Variants in GRM7 observed in about 807,000 individuals in gnomAD.
The protein encoded by GRM7 is metabotropic glutamate receptor 7.
A neutral mutation model predicts 84.5 loss-of-function variants in GRM7; 35 were observed. That is an observed-to-expected ratio of 0.41 (90% CI 0.32 to 0.55). The LOEUF (loss-of-function observed/expected upper bound fraction) is 0.55. Ranked by LOEUF, GRM7 falls within the 20% of genes least tolerant of loss-of-function variation. The probability of loss-of-function intolerance (pLI) is 0.19; values close to 1 mark genes in which losing one functional copy is unlikely to be tolerated. For synonymous variants in GRM7, 487 were observed against 455.1 expected, an observed-to-expected ratio of 1.07 and a Z score of -0.89; for missense variants, 1,003 against 1,194.6, an observed-to-expected ratio of 0.84 and a Z score of 2.36.
intron 1 of GRM7, among the ~76,000 whole-genome samples, chr3:6,979,194 T>G (rs546184202): frequency 6.6e-6 from 1 of 152,248 alleles, no homozygotes; most frequent in Non-Finnish European, 1.5e-5. Context: ...CTCTTTTCAG[T>G]TAATAAGGAA....
At chr3:7,700,988 C>A (rs183768975) in intron 9 of GRM7, among the ~76,000 whole-genome samples, 1 of 152,284 alleles carries the variant, frequency 6.6e-6, no homozygotes, top group African/African-American at 2.4e-5. Context: ...AAGGTGGAAT[C>A]AATAAAATCC....
intron 1 of GRM7, among the ~76,000 whole-genome samples, chr3:6,870,417 A>T (rs1370132879): frequency 6.6e-6 from 1 of 152,208 alleles, no homozygotes; most frequent in East Asian, 1.9e-4. Context: ...TGTAGAGGCC[A>T]TTGTGGCTGA....
At chr3:7,594,313 A>AT (rs1479879694) in intron 8 of GRM7, among the ~76,000 whole-genome samples, 2 of 152,066 alleles carry the variant, frequency 1.3e-5, no homozygotes, top group African/African-American at 4.8e-5. Context: ...TGCAGATTGT[A>AT]TTTTGCATAG....
intron 2 of GRM7, among the ~76,000 whole-genome samples, chr3:7,246,407 T>A (rs1697762101): frequency 6.6e-6 from 1 of 152,156 alleles, no homozygotes; most frequent in South Asian, 2.1e-4. Flanking sequence ...GTGAAGTTTT[T>A]ACAAGAGAGA....
intron 8 of GRM7, among the ~76,000 whole-genome samples, chr3:7,600,097 G>A (rs965023122): frequency 2.6e-5 from 4 of 152,016 alleles, no homozygotes; most frequent in Admixed American, 2.6e-4. Flanking sequence ...TGCAGGATAG[G>A]CATCCATTTT....
At chr3:7,693,556 T>TGCAAATTTCATTTGCATTTAATTTCC in intron 9 of GRM7, 1 of 892,770 alleles carries the variant, frequency 1.1e-6, no homozygotes. Flanking sequence ...TTGTCATGTT[T>TGCAAATTTCATTTGCATTTAATTTCC]GCAAATTTCA....
intron 2 of GRM7, among the ~76,000 whole-genome samples, chr3:7,287,521 G>A (rs911320853): frequency 4.3e-4 from 66 of 152,114 alleles, no homozygotes; most frequent in African/African-American, 1.5e-3. Flanking sequence ...ATGTTAACTA[G>A]CATCTTTGTT....
At chr3:7,026,648 G>C (rs1695992635) in intron 1 of GRM7, among the ~76,000 whole-genome samples, 2 of 152,156 alleles carry the variant, frequency 1.3e-5, no homozygotes, top group African/African-American at 4.8e-5. Flanking sequence ...TGCATGCCCA[G>C]AAATTTTACC....
chr3:7,124,561 C>A (rs73012178), intron 1 of GRM7, among the ~76,000 whole-genome samples: 3,397 of 152,122 alleles, frequency 0.022, 47 homozygotes, highest in Non-Finnish European at 0.037. Context: ...CCTGGCAAAC[C>A]CAGAATATAA....
chr3:7,080,238 A>G (rs1007932791), intron 1 of GRM7, among the ~76,000 whole-genome samples: 2 of 152,054 alleles, frequency 1.3e-5, no homozygotes, highest in South Asian at 2.1e-4. Context: ...CAAAGTCTCA[A>G]TCTTATTACT....
chr3:7,088,862 T>G (rs988612467), intron 1 of GRM7, among the ~76,000 whole-genome samples: 3 of 151,612 alleles, frequency 2.0e-5, no homozygotes, highest in Non-Finnish European at 4.4e-5. Context: ...TTAGAACTTT[T>G]CTAAATAGTC....
chr3:6,940,501 C>T (rs980248512), intron 1 of GRM7, among the ~76,000 whole-genome samples: 6 of 152,142 alleles, frequency 3.9e-5, no homozygotes, highest in Admixed American at 2.6e-4. Context: ...TTCAATAGTG[C>T]TATTTTCCAA....
chr3:7,036,146 C>T (rs1364046514), intron 1 of GRM7, among the ~76,000 whole-genome samples: 1 of 152,038 alleles, frequency 6.6e-6, no homozygotes, highest in Non-Finnish European at 1.5e-5. Context: ...TTACAGCCTA[C>T]ACTATAGAGG....
chr3:7,027,992 G>T (rs1206079530), intron 1 of GRM7, among the ~76,000 whole-genome samples: 1 of 152,132 alleles, frequency 6.6e-6, no homozygotes, highest in East Asian at 1.9e-4. Context: ...CATACCTAAT[G>T]TAATGACTGA....
At chr3:7,569,189 G>C (rs1694512254) in intron 7 of GRM7, among the ~76,000 whole-genome samples, 1 of 152,094 alleles carries the variant, frequency 6.6e-6, no homozygotes, top group Non-Finnish European at 1.5e-5. Flanking sequence ...CTCAGGGTTT[G>C]TGAATGCACC....
intron 7 of GRM7, among the ~76,000 whole-genome samples, chr3:7,517,950 G>T (rs1284586103): frequency 6.6e-6 from 1 of 152,224 alleles, no homozygotes; most frequent in Non-Finnish European, 1.5e-5. Flanking sequence ...GTGAAAGCCA[G>T]ATGTAGCCTC....
chr3:7,558,538 A>C (rs1413006472), intron 7 of GRM7, among the ~76,000 whole-genome samples: 1 of 152,096 alleles, frequency 6.6e-6, no homozygotes, highest in Non-Finnish European at 1.5e-5. Flanking sequence ...CAAAATAATA[A>C]ATAATAATGG....
chr3:7,099,924 TTA>T lies in GRM7; in HGVS notation c.520-46520_520-46519del, dbSNP rs112239894. Among the ~76,000 whole-genome samples the T allele has an allele frequency of 5.1e-4, 36 of 71,282 alleles. 3 individuals carry two copies. In the South Asian group the frequency reaches 0.011, roughly 22 times the overall value. The allele number at this position is 71,282 out of a possible 152,430, so 46.8% of individuals were successfully genotyped here. A position where few individuals can be genotyped will look rare whatever the true frequency, so the allele number is the denominator to read the frequency against. On this transcript the variant is annotated intron_variant, in intron 1 of 9. Coordinates refer to ENST00000357716, the MANE Select transcript of GRM7 (RefSeq NM_000844.4). The stretch of plus-strand genomic sequence containing the variant: ...ATTATACATATATAATATTAATATA[TTA>T]TATATATTATGATATACATTATGTA...
At chr3:7,131,699 G>C (rs1311329415) in intron 1 of GRM7, among the ~76,000 whole-genome samples, 2 of 151,932 alleles carry the variant, frequency 1.3e-5, no homozygotes, top group Non-Finnish European at 2.9e-5. Context: ...GGATGGACTC[G>C]ATCTCTTGAC....
Sources: allele counts gnomAD v4.1 joint callset (sites outside exome capture counted in the v4.1 genomes callset), GRCh38; gene constraint gnomAD v4.1.1; transcripts MANE v1.5; gene names NCBI Gene and HGNC (gene_info 2026-07-23, HGNC 2026-07-21).